LRRFIP1: variants seen among roughly 807,000 people sequenced by gnomAD.
LRRFIP1 encodes the protein leucine-rich repeat flightless-interacting protein 1.
Under a neutral mutation model 104.4 loss-of-function variants are expected in LRRFIP1, and 62 were observed. That is an observed-to-expected ratio of 0.59 (90% CI 0.48 to 0.73). The LOEUF (loss-of-function observed/expected upper bound fraction) is 0.73. Among genes scored for constraint, LRRFIP1 ranks in the 30% least tolerant of loss-of-function variants. The pLI is 0.00. For synonymous variants in LRRFIP1, 300 were observed against 299.0 expected, an observed-to-expected ratio of 1.00 and a Z score of -0.03; for missense variants, 796 against 824.5, an observed-to-expected ratio of 0.97 and a Z score of 0.42.
rs3754722 is a variant in LRRFIP1 at position 237,703,900 on chromosome 2, A to G, written c.97-4644A>G. Among the ~76,000 whole-genome samples, 50,030 of 151,918 alleles carry G rather than the reference A, an allele frequency of 0.33. 9,983 individuals carry two copies. The highest frequency in any genetic ancestry group is 0.56 in the African/African-American group (23,334 of 41,416). On this transcript the variant is annotated intron_variant, in intron 1 of 23. Transcript: ENST00000308482. The surrounding 1 kb of genome is among the most constrained non-coding windows in gnomAD (Gnocchi z 4.3). ...TCACAGAAAGTGACAGGCCGTGTTC[A>G]GAAGCTCTTCAAGCAGTCTGACGTG...
chr2:237,627,637 C>G lies in LRRFIP1; in HGVS notation c.-8C>G. The stretch of plus-strand genomic sequence containing the variant: ...CGGGCCCCGCGGCAGCTGCGGGCGA[C>G]GCGGTCGATGGACATGGGCACCCAG... On this transcript the variant is annotated 5_prime_UTR_variant, in exon 1 of 24. Coordinates refer to ENST00000308482, the MANE Select transcript of LRRFIP1 (RefSeq NM_001137550.2). The G allele has an allele frequency of 7.6e-7, 1 of 1,310,256 alleles. No homozygotes were observed. Among genetic ancestry groups the G allele is most frequent in the Non-Finnish European group, 9.8e-7 (1 of 1,016,972 alleles). 81.2% of individuals were successfully genotyped at this position (1,310,256 alleles called of 1,614,324 possible). A position where few individuals can be genotyped will look rare whatever the true frequency, so the allele number is the denominator to read the frequency against.
chr2:237,651,983 G>A (rs35292132), intron 1 of LRRFIP1, among the ~76,000 whole-genome samples: 5 of 152,150 alleles, frequency 3.3e-5, no homozygotes, highest in African/African-American at 7.2e-5. Flanking sequence ...AGATTCTGGC[G>A]TACCTTTTGC....
intron 4 of LRRFIP1, 85 bp from the exon 5 acceptor site, chr2:237,719,438 G>A (rs2094459603): frequency 2.4e-6 from 2 of 828,858 alleles, no homozygotes; most frequent in Non-Finnish European, 4.2e-6. Flanking sequence ...GTATTATGGT[G>A]CAGTGGGACT....
chr2:237,737,624 G>C (rs1452581405), intron 10 of LRRFIP1, among the ~76,000 whole-genome samples: 1 of 152,158 alleles, frequency 6.6e-6, no homozygotes, highest in Non-Finnish European at 1.5e-5. Context: ...GATGGAGAAG[G>C]ATTTGCTGCA....
intron 1 of LRRFIP1, among the ~76,000 whole-genome samples, chr2:237,687,945 A>G (rs904645779): frequency 2.6e-5 from 4 of 152,184 alleles, no homozygotes; most frequent in African/African-American, 7.2e-5. Context: ...AAAGTAAACC[A>G]TGTTTGGGTG....
chr2:237,775,215 G>A lies in LRRFIP1; in HGVS notation c.1812+753G>A, dbSNP rs2060977977. On this transcript the variant is annotated intron_variant, in intron 23 of 23. Coordinates refer to ENST00000308482, the MANE Select transcript of LRRFIP1 (RefSeq NM_001137550.2). ...CAGTTCTAGGTAGGTGGCCAAGGAA[G>A]ACTTTCCTTCTTGTGGCATATAAGG... is the stretch of plus-strand genomic sequence containing the variant. Among the ~76,000 whole-genome samples the A allele has an allele frequency of 3.3e-5, 5 of 152,342 alleles. No homozygotes were observed. The South Asian group carries it at 6.2e-4, about 19-fold the overall frequency.
chr2:237,661,355 C>A lies in LRRFIP1; in HGVS notation c.96+33615C>A, dbSNP rs772895769. ...ACTGTGTGTCCAGTCCACCCAGATG[C>A]CACCATGCCTGCCAGTCCCTCTCCT... On this transcript the variant is annotated intron_variant, in intron 1 of 23. Transcript: ENST00000308482. The surrounding 1 kb of genome is among the most constrained non-coding windows in gnomAD (Gnocchi z 4.4). 7.2e-5 allele frequency among the ~76,000 whole-genome samples: 11 copies of A among 152,168 alleles called. No individual in the cohort carries two copies. The highest frequency in any genetic ancestry group is 1.6e-4 in the Non-Finnish European group (11 of 68,020).
rs1407919411 is a variant in LRRFIP1, at chr2:237,627,624, C to A, written c.-21C>A. ...GCGGCTGGAGCAACGGGCCCCGCGGCAGCTGCGGGCGACGCGGTCGATGGA... is the reference window on the plus strand; with the variant it reads ...GCGGCTGGAGCAACGGGCCCCGCGGAAGCTGCGGGCGACGCGGTCGATGGA... On this transcript the variant is annotated 5_prime_UTR_variant, in exon 1 of 24. Transcript: ENST00000308482. 1 of 1,280,854 alleles carries A rather than the reference C, an allele frequency of 7.8e-7. No homozygotes were observed. 79.3% of individuals were successfully genotyped at this position (1,280,854 alleles called of 1,614,324 possible).
chr2:237,750,753 C>T (rs1173987382), intron 13 of LRRFIP1, among the ~76,000 whole-genome samples: 2 of 152,108 alleles, frequency 1.3e-5, no homozygotes, highest in Non-Finnish European at 2.9e-5. Context: ...CTGGCTGGTG[C>T]CAGATGCTGT....
chr2:237,693,414 A>T (rs942045331), intron 1 of LRRFIP1, among the ~76,000 whole-genome samples: 4 of 152,128 alleles, frequency 2.6e-5, no homozygotes, highest in Admixed American at 2.6e-4. Context: ...TGCCAGAGAG[A>T]GGTGTAGAAG....
chr2:237,763,885 T>G, intron 19 of LRRFIP1: 1 of 1,614,222 alleles, frequency 6.2e-7, no homozygotes, highest in Non-Finnish European at 8.5e-7. Context: ...AAGACGCAGA[T>G]CGCTGCACCC....
At chr2:237,743,908 A>G (rs1286537958) in intron 11 of LRRFIP1, among the ~76,000 whole-genome samples, 1 of 152,176 alleles carries the variant, frequency 6.6e-6, no homozygotes, top group East Asian at 1.9e-4. Flanking sequence ...GAACCTGGTG[A>G]AGCCATCACG....
At chr2:237,648,405 C>T (rs1575129122) in intron 1 of LRRFIP1, among the ~76,000 whole-genome samples, 2 of 151,826 alleles carry the variant, frequency 1.3e-5, no homozygotes, top group South Asian at 2.1e-4. Context: ...TACAAGTGTC[C>T]GGGGTGTTCA....
At chr2:237,731,307 G>A (rs1433913548) in intron 8 of LRRFIP1, among the ~76,000 whole-genome samples, 2 of 152,084 alleles carry the variant, frequency 1.3e-5, no homozygotes, top group Admixed American at 6.6e-5. Flanking sequence ...GGGGTTGGGG[G>A]GTATCTTTTT....
chr2:237,718,115 G>A (rs1335859638), intron 4 of LRRFIP1, among the ~76,000 whole-genome samples: 17 of 152,186 alleles, frequency 1.1e-4, no homozygotes, highest in Admixed American at 9.2e-4. Flanking sequence ...TGATCTCCTC[G>A]AGCACAGGGC....
At chr2:237,667,716 G>A (rs1411062661) in intron 1 of LRRFIP1, among the ~76,000 whole-genome samples, 2 of 152,102 alleles carry the variant, frequency 1.3e-5, no homozygotes, top group South Asian at 2.1e-4. Context: ...TTCATTGACC[G>A]TTCCCTGTGT....
intron 1 of LRRFIP1, among the ~76,000 whole-genome samples, chr2:237,681,256 A>G (rs1185811889): frequency 6.6e-6 from 1 of 152,252 alleles, no homozygotes; most frequent in Non-Finnish European, 1.5e-5. Flanking sequence ...AAGGGTGTTC[A>G]AAAAGCAATG....
At chr2:237,653,507 A>G (rs1013652717) in intron 1 of LRRFIP1, among the ~76,000 whole-genome samples, 3 of 152,228 alleles carry the variant, frequency 2.0e-5, no homozygotes, top group African/African-American at 7.2e-5. Flanking sequence ...TAGAAAAAAT[A>G]AAATAAAATT....
At chr2:237,736,081 T>C (rs940437382) in intron 10 of LRRFIP1, among the ~76,000 whole-genome samples, 4 of 152,238 alleles carry the variant, frequency 2.6e-5, no homozygotes, top group African/African-American at 9.6e-5. Flanking sequence ...ATAATTTTGC[T>C]TTTGAAGTTT....
Sources: gnomAD v4.1 joint callset for allele counts (sites outside exome capture counted in the v4.1 genomes callset) on GRCh38, gnomAD v4.1.1 for gene constraint, Gnocchi (gnomAD v3.1) non-coding constraint, MANE v1.5 for transcripts, NCBI Gene and HGNC (gene_info 2026-07-23, HGNC 2026-07-21) for gene names.